The following PDZD9 variants were observed in gnomAD, a reference collection of about 807,000 sequenced individuals.
PDZD9 encodes the protein PDZ domain-containing protein 9.
In PDZD9, 13 loss-of-function variants were observed where a neutral mutation model predicts 16.3. The ratio of observed to expected loss-of-function variants is 0.80; its 90% CI spans 0.52 to 1.27. PDZD9 has a LOEUF of 1.27. Ranked by LOEUF, PDZD9 falls within the 50% of genes most tolerant of loss-of-function variation. The probability of loss-of-function intolerance (pLI) is 0.00; values close to 1 mark genes in which losing one functional copy is unlikely to be tolerated. For missense variants in PDZD9, 288 were observed against 310.9 expected, an observed-to-expected ratio of 0.93 and a Z score of 0.55; for synonymous variants, 120 against 111.0, an observed-to-expected ratio of 1.08 and a Z score of -0.51.
chr16:21,986,229 G>A (rs923303978), intron 3 of PDZD9, among the ~76,000 whole-genome samples: 3 of 152,028 alleles, frequency 2.0e-5, no homozygotes, highest in Admixed American at 6.6e-5. Context: ...TTTCCCTGCC[G>A]CGTTATACAT....
chr16:21,981,463 A>G (rs1028531617), downstream of PDZD9, among the ~76,000 whole-genome samples: 1 of 152,184 alleles, frequency 6.6e-6, no homozygotes, highest in African/African-American at 2.4e-5. Flanking sequence ...AAGAAAAAAT[A>G]AAAAACTAAG....
the PDZD9 span, among the ~76,000 whole-genome samples, chr16:21,963,768 C>A: frequency 6.6e-6 from 1 of 152,114 alleles, no homozygotes; most frequent in South Asian, 2.1e-4. Flanking sequence ...TGTGCCTGAC[C>A]CCTAGTGATT....
the PDZD9 span, among the ~76,000 whole-genome samples, chr16:21,959,137 T>TTA: frequency 6.6e-6 from 1 of 152,234 alleles, no homozygotes; most frequent in Non-Finnish European, 1.5e-5. Context: ...TGGTGGTGAC[T>TTA]GATAATTTCT....
intron 2 of PDZD9, among the ~76,000 whole-genome samples, chr16:21,989,362 G>A (rs1263261946): frequency 2.0e-5 from 3 of 152,156 alleles, no homozygotes; most frequent in African/African-American, 4.8e-5. Context: ...AGACGTTTCT[G>A]AAGTTCTTGG....
At chr16:21,984,730 G>T in intron 3 of PDZD9, 70 bp from the exon 4 acceptor site, 2 of 1,256,330 alleles carry the variant, frequency 1.6e-6, no homozygotes. Flanking sequence ...CTAACAAGAT[G>T]CCTTATAACT....
intron 2 of PDZD9, among the ~76,000 whole-genome samples, chr16:21,994,380 A>G (rs559312483): frequency 2.0e-5 from 3 of 152,268 alleles, no homozygotes; most frequent in Admixed American, 2.0e-4. Context: ...TTTCTTTCTC[A>G]CCATGGCGCC....
the PDZD9 span, chr16:21,976,157 T>C: frequency 6.2e-7 from 1 of 1,612,334 alleles, no homozygotes; most frequent in Non-Finnish European, 8.5e-7. Context: ...ACTTTTCTTA[T>C]CTGTCCTAGG....
At chr16:21,989,065 A>AT (rs1422678314) in intron 2 of PDZD9, among the ~76,000 whole-genome samples, 2 of 150,258 alleles carry the variant, frequency 1.3e-5, no homozygotes, top group Non-Finnish European at 3.0e-5. Flanking sequence ...AGTAGCTAGG[A>AT]TTATGGGCAT....
chr16:21,990,977 T>C (rs1007637390), intron 2 of PDZD9, among the ~76,000 whole-genome samples: 1 of 152,190 alleles, frequency 6.6e-6, no homozygotes, highest in African/African-American at 2.4e-5. Context: ...GATGACATTA[T>C]ATAAACTTTG....
chr16:21,963,494 G>A, the PDZD9 span, among the ~76,000 whole-genome samples: 28 of 151,280 alleles, frequency 1.9e-4, no homozygotes, highest in South Asian at 5.7e-3. Context: ...TTTTGAGACA[G>A]GGTGTTGCTT....
chr16:21,996,410 G>A lies in PDZD9; in HGVS notation c.123C>T (p.Gly41=). 1 of 1,535,950 alleles carries A rather than the reference G, an allele frequency of 6.5e-7. No homozygotes were observed. The highest frequency in any genetic ancestry group is 1.2e-5 in the South Asian group (1 of 84,048). The change falls in exon 2 of 4, where the codon GGC becomes GGT. Residue 41 remains glycine, a synonymous_variant. Transcript: ENST00000424898. ...TKLTVGSLGL[G]LIIIQHGPYL... is the part of the protein sequence containing the mutation. Reference sequence around the variant, plus strand: ...AGGGTCCATGCTGGATGATGATGAGGCCTAATCCCAGGCTACCCACAGTGA... The same window carrying A: ...AGGGTCCATGCTGGATGATGATGAGACCTAATCCCAGGCTACCCACAGTGA...
At chr16:21,959,431 T>C in the PDZD9 span, 1 of 193,322 alleles carries the variant, frequency 5.2e-6, no homozygotes, top group Non-Finnish European at 1.1e-5. Context: ...CTGTTCAAGC[T>C]TTATCATAAG....
chr16:21,988,464 A>G, intron 3 of PDZD9, 138 bp downstream of exon 3: 1 of 709,672 alleles, frequency 1.4e-6, no homozygotes, highest in Non-Finnish European at 2.2e-6. Flanking sequence ...CCAGAAACCC[A>G]GGAAATTACT....
chr16:21,962,242 G>A, the PDZD9 span: 1 of 561,934 alleles, frequency 1.8e-6, no homozygotes, highest in Non-Finnish European at 3.2e-6. Flanking sequence ...GTTGTAACAT[G>A]TGACCAGATT....
chr16:21,975,595 C>G, the PDZD9 span, among the ~76,000 whole-genome samples: 1 of 152,182 alleles, frequency 6.6e-6, no homozygotes, highest in Non-Finnish European at 1.5e-5. Context: ...TTTATTCTTT[C>G]TTTCTTTTTT....
the PDZD9 span, among the ~76,000 whole-genome samples, chr16:21,970,871 C>T: frequency 6.6e-6 from 1 of 152,262 alleles, no homozygotes; most frequent in East Asian, 1.9e-4. Context: ...CAGATGTGAG[C>T]CACCGTGCCC....
In PDZD9 at chr16:21,984,595, A is replaced by G. The variant is rs769907505; in HGVS notation, c.467T>C (p.Val156Ala). The change falls in exon 4 of 4, where the codon GTA (valine) becomes GCA (alanine). Residue 156 changes from valine to alanine, a missense_variant. Val to Ala is a moderately conservative substitution (Grantham distance 64). Coordinates refer to ENST00000424898, the MANE Select transcript of PDZD9 (RefSeq NM_001363519.1). Reference protein sequence around the residue: ...SFTSSDDNENVDLDKRLQYYR... With the variant: ...SFTSSDDNENADLDKRLQYYR... ...ATATTGAAGTCTTTTATCTAAATCT[A>G]CATTTTCATTATCATCACTGCTTGT... 10 of 1,550,014 alleles carry G rather than the reference A, an allele frequency of 6.5e-6. No homozygotes were observed. In the Admixed American group the frequency reaches 1.2e-4, roughly 18 times the overall value.
chr16:21,992,186 G>A (rs149569433), intron 2 of PDZD9, among the ~76,000 whole-genome samples: 56 of 152,080 alleles, frequency 3.7e-4, no homozygotes, highest in African/African-American at 1.3e-3. Context: ...CTATGATTGC[G>A]CCACTGCACT....
At chr16:21,958,374 A>C in the PDZD9 span, among the ~76,000 whole-genome samples, 1 of 152,206 alleles carries the variant, frequency 6.6e-6, no homozygotes, top group Non-Finnish European at 1.5e-5. Flanking sequence ...TGTATACTTA[A>C]GCTTTTTGTT....
Sources: gnomAD v4.1 joint callset for allele counts (sites outside exome capture counted in the v4.1 genomes callset) on GRCh38, gnomAD v4.1.1 for gene constraint, MANE v1.5 for transcripts, NCBI Gene and HGNC (gene_info 2026-07-23, HGNC 2026-07-21) for gene names.